GNA14: variants seen among roughly 807,000 people sequenced by gnomAD.
GNA14 encodes guanine nucleotide-binding protein subunit alpha-14.
In GNA14, 50 loss-of-function variants were observed where a neutral mutation model predicts 42.0. The ratio of observed to expected loss-of-function variants is 1.19; its 90% CI spans 0.95 to 1.51. GNA14 has a LOEUF of 1.51. Ranked by LOEUF, GNA14 falls within the 40% of genes most tolerant of loss-of-function variation. The pLI is 0.00. For synonymous variants in GNA14, 173 were observed against 163.1 expected (o/e 1.06, Z -0.46); for missense variants, 473 against 446.2 (o/e 1.06, Z -0.54).
intron 1 of GNA14, among the ~76,000 whole-genome samples, chr9:77,600,653 C>G (rs1209090723): frequency 6.6e-6 from 1 of 152,212 alleles, no homozygotes; most frequent in African/African-American, 2.4e-5. Flanking sequence ...CGCAGTGGCT[C>G]ACGCCTGTAA....
intron 1 of GNA14, among the ~76,000 whole-genome samples, chr9:77,647,015 G>A (rs1407318625): frequency 6.6e-6 from 1 of 152,192 alleles, no homozygotes; most frequent in Non-Finnish European, 1.5e-5. Flanking sequence ...AAACACAAAG[G>A]CCTGAGGGAC....
intron 1 of GNA14, among the ~76,000 whole-genome samples, chr9:77,538,254 T>C (rs2131774620): frequency 6.6e-6 from 1 of 152,186 alleles, no homozygotes; most frequent in South Asian, 2.1e-4. Context: ...AAAATTTTTT[T>C]ATAGAGACAG....
intron 1 of GNA14, among the ~76,000 whole-genome samples, chr9:77,613,517 T>G (rs1823763448): frequency 6.6e-6 from 1 of 152,208 alleles, no homozygotes; most frequent in East Asian, 1.9e-4. Flanking sequence ...TAAAATTTGC[T>G]AACAGCGTAG....
At chr9:77,639,644 G>T (rs899286886) in intron 1 of GNA14, among the ~76,000 whole-genome samples, 1 of 152,224 alleles carries the variant, frequency 6.6e-6, no homozygotes, top group African/African-American at 2.4e-5. Context: ...GCAGCGACTG[G>T]CAGGGTGGTG....
At chr9:77,448,353 T>A (rs1052066814) in intron 2 of GNA14, among the ~76,000 whole-genome samples, 2 of 152,196 alleles carry the variant, frequency 1.3e-5, no homozygotes, top group Non-Finnish European at 2.9e-5. Flanking sequence ...GAGTATCGAA[T>A]CATTCTGGTT....
intron 1 of GNA14, among the ~76,000 whole-genome samples, chr9:77,584,772 G>A (rs185573306): frequency 6.6e-6 from 1 of 152,310 alleles, no homozygotes; most frequent in African/African-American, 2.4e-5. Context: ...AAGGGCTGCT[G>A]GTTGCCAATT....
At position 77,437,628 on chromosome 9, in the gene GNA14, AAG is replaced by A. The variant is rs140823449; in HGVS notation, c.310-3108_310-3107del. On this transcript the variant is annotated intron_variant, in intron 2 of 6. Transcript: ENST00000341700. Reference sequence around the variant, plus strand: ...AGCAAAGGAAAGGAAGGGAAAAAGAAAGAAAGAAAAAAGGAAGGAAGGAAAGA... The same window carrying A: ...AGCAAAGGAAAGGAAGGGAAAAAGAAAAAGAAAAAAGGAAGGAAGGAAAGA... Among the ~76,000 whole-genome samples the A allele has an allele frequency of 8.4e-3, 1,272 of 152,112 alleles. 20 individuals carry two copies. Among genetic ancestry groups the A allele is most frequent in the African/African-American group, 0.029 (1,194 of 41,488 alleles).
At chr9:77,464,860 G>GT (rs59459118) in intron 2 of GNA14, among the ~76,000 whole-genome samples, 1 of 152,246 alleles carries the variant, frequency 6.6e-6, no homozygotes, top group East Asian at 1.9e-4. Context: ...TACAAGCAGT[G>GT]TTTTTTTAAG....
chr9:77,519,837 G>A (rs563125973), intron 2 of GNA14, among the ~76,000 whole-genome samples: 14 of 151,954 alleles, frequency 9.2e-5, no homozygotes, highest in South Asian at 8.3e-4. Context: ...TGGCGAAACC[G>A]TATCTCTACT....
chr9:77,571,461 TG>T (rs1203374895), intron 1 of GNA14, among the ~76,000 whole-genome samples: 1 of 152,194 alleles, frequency 6.6e-6, no homozygotes, highest in Non-Finnish European at 1.5e-5. Flanking sequence ...TAACCACATG[TG>T]GCTGTTGAGC....
intron 2 of GNA14, among the ~76,000 whole-genome samples, chr9:77,452,765 T>G (rs1401724894): frequency 1.5e-4 from 22 of 150,716 alleles, no homozygotes. Context: ...CGTGGAGGTA[T>G]TAAGGAGTGG....
intron 2 of GNA14, among the ~76,000 whole-genome samples, chr9:77,452,894 G>A (rs556463714): frequency 6.6e-6 from 1 of 152,086 alleles, no homozygotes; most frequent in East Asian, 2.0e-4. Flanking sequence ...GGACACAGGA[G>A]GCTGAGGCAG....
chr9:77,503,764 A>AC (rs1837013223), intron 2 of GNA14, among the ~76,000 whole-genome samples: 1 of 150,312 alleles, frequency 6.7e-6, no homozygotes, highest in Non-Finnish European at 1.5e-5. Flanking sequence ...TTCAAGCCTC[A>AC]CCCTCCTGAA....
At chr9:77,562,890 C>CA (rs1352932970) in intron 1 of GNA14, among the ~76,000 whole-genome samples, 1 of 152,104 alleles carries the variant, frequency 6.6e-6, no homozygotes, top group African/African-American at 2.4e-5. Context: ...TGGTCTTTTC[C>CA]TGAATAGATC....
intron 2 of GNA14, among the ~76,000 whole-genome samples, chr9:77,473,887 G>A (rs1473520834): frequency 3.3e-5 from 5 of 152,078 alleles, no homozygotes; most frequent in African/African-American, 7.2e-5. Context: ...TTATTACAAA[G>A]GTGCCAAGCT....
chr9:77,483,361 G>C (rs568803134), intron 2 of GNA14, among the ~76,000 whole-genome samples: 1 of 152,154 alleles, frequency 6.6e-6, no homozygotes, highest in African/African-American at 2.4e-5. Context: ...AGTGGCTGCC[G>C]AACAGCGGTG....
In GNA14 at chr9:77,460,425, C is replaced by T. The variant is rs1478002151; in HGVS notation, c.310-25903G>A. On this transcript the variant is annotated intron_variant, in intron 2 of 6. Transcript: ENST00000341700. ...CCAGGGGGAACCAGCCCTGCCGACA[C>T]CTTGATTTCTGACTGCTGGCCTCCT... Among the ~76,000 whole-genome samples the T allele has an allele frequency of 3.9e-5, 6 of 152,234 alleles. No individual in the cohort carries two copies. The South Asian group carries it at 1.0e-3, about 26-fold the overall frequency.
intron 2 of GNA14, among the ~76,000 whole-genome samples, chr9:77,488,685 A>G (rs1436704791): frequency 6.6e-6 from 1 of 151,784 alleles, no homozygotes; most frequent in Non-Finnish European, 1.5e-5. Context: ...GCTTGGGCTC[A>G]AGGCACCCTC....
chr9:77,506,107 A>G (rs1837063767), intron 2 of GNA14, among the ~76,000 whole-genome samples: 1 of 151,690 alleles, frequency 6.6e-6, no homozygotes, highest in African/African-American at 2.4e-5. Flanking sequence ...TCTACAAAAA[A>G]AAAATAATTA....
Sources: allele counts gnomAD v4.1 joint callset (sites outside exome capture counted in the v4.1 genomes callset), GRCh38; gene constraint gnomAD v4.1.1; transcripts MANE v1.5; gene names NCBI Gene and HGNC (gene_info 2026-07-23, HGNC 2026-07-21).